Variants in MRPL1 observed in about 807,000 individuals in gnomAD.
MRPL1 encodes mitochondrial ribosomal protein L1.
A neutral mutation model predicts 38.0 loss-of-function variants in MRPL1; 28 were observed. The ratio of observed to expected loss-of-function variants is 0.74; its 90% confidence interval spans 0.55 to 1.01. The LOEUF (loss-of-function observed/expected upper bound fraction) is 1.01, where lower values mean the gene tolerates loss of function less well. Among genes scored for constraint, MRPL1 ranks in the 50% least tolerant of loss-of-function variants. The pLI, the probability that MRPL1 is intolerant of heterozygous loss-of-function variation, is 0.00. For synonymous variants in MRPL1, 123 were observed against 126.7 expected (o/e 0.97, Z 0.20); for missense variants, 358 against 389.8 (o/e 0.92, Z 0.69).
intron 7 of MRPL1, among the ~76,000 whole-genome samples, chr4:77,923,450 A>G (rs1736626718): frequency 1.3e-5 from 2 of 152,156 alleles, no homozygotes; most frequent in Admixed American, 6.5e-5. Flanking sequence ...ATAGTTTTTA[A>G]AACAATCTGT....
chr4:77,887,468 A>G (rs979020692), intron 5 of MRPL1, among the ~76,000 whole-genome samples, 177 bp downstream of exon 5: 13 of 152,306 alleles, frequency 8.5e-5, no homozygotes, highest in Middle Eastern at 3.4e-3. Flanking sequence ...AAGCTAGGAG[A>G]AAACTATCCA....
rs1431854895 is a variant in MRPL1, at chr4:77,911,268, A to G, written c.777+1896A>G. On this transcript the variant is annotated intron_variant, in intron 7 of 8. Coordinates refer to ENST00000315567, the MANE Select transcript of MRPL1 (RefSeq NM_020236.4). ...AGCTGGATTAAATCTGTCTTAAGTAATGTTTTCAGTATATTTAGTAGTTAA... is the reference window on the plus strand; with the variant it reads ...AGCTGGATTAAATCTGTCTTAAGTAGTGTTTTCAGTATATTTAGTAGTTAA... 3.3e-5 allele frequency among the ~76,000 whole-genome samples: 5 copies of G among 152,242 alleles called. No individual in the cohort carries two copies. The East Asian group carries it at 9.7e-4, about 29-fold the overall frequency.
At chr4:77,874,782 C>CCTTTTTTTTTTTT (rs1560459506) in intron 2 of MRPL1, among the ~76,000 whole-genome samples, 1 of 131,108 alleles carries the variant, frequency 7.6e-6, no homozygotes, top group Non-Finnish European at 1.6e-5. Context: ...ATTTTCTTTT[C>CCTTTTTTTTTTTT]TTTTTTTTTT....
intron 7 of MRPL1, among the ~76,000 whole-genome samples, chr4:77,934,327 CATAA>C (rs1304452393): frequency 1.3e-5 from 2 of 152,124 alleles, no homozygotes; most frequent in Admixed American, 6.5e-5. Context: ...ATCTACAGTA[CATAA>C]ATAACTTTTA....
At chr4:77,886,789 C>CTTTTTTTTTTTTTTTTTT in intron 4 of MRPL1, among the ~76,000 whole-genome samples, 1 of 90,516 alleles carries the variant, frequency 1.1e-5, no homozygotes, top group Non-Finnish European at 2.0e-5. Flanking sequence ...TTTGCATTTT[C>CTTTTTTTTTTTTTTTTTT]TTTTTTTTTT....
chr4:77,952,148 T>G (rs1307495290), intron 8 of MRPL1, among the ~76,000 whole-genome samples: 1 of 152,208 alleles, frequency 6.6e-6, no homozygotes, highest in East Asian at 1.9e-4. Flanking sequence ...ACCACCACTA[T>G]GACTCCTGTC....
chr4:77,900,863 G>A (rs1736016492), intron 6 of MRPL1, among the ~76,000 whole-genome samples: 1 of 152,184 alleles, frequency 6.6e-6, no homozygotes, highest in African/African-American at 2.4e-5. Flanking sequence ...GACCAGCGAG[G>A]AGGCGATTAC....
intron 7 of MRPL1, among the ~76,000 whole-genome samples, chr4:77,931,078 T>C (rs1193081968): frequency 6.6e-6 from 1 of 152,226 alleles, no homozygotes; most frequent in Non-Finnish European, 1.5e-5. Flanking sequence ...CCAAGCCCAC[T>C]TTGTATAATA....
At chr4:77,918,995 C>T (rs753449971) in intron 7 of MRPL1, among the ~76,000 whole-genome samples, 36 of 152,190 alleles carry the variant, frequency 2.4e-4, no homozygotes, top group Admixed American at 9.2e-4. Flanking sequence ...GGAGTAATAT[C>T]GCTGGAATTG....
At chr4:77,935,135 G>A (rs1321319449) in intron 7 of MRPL1, among the ~76,000 whole-genome samples, 1 of 152,154 alleles carries the variant, frequency 6.6e-6, no homozygotes, top group Non-Finnish European at 1.5e-5. Flanking sequence ...GTCAGGAGTG[G>A]ATGGTGTTTG....
At chr4:77,937,508 C>T (rs1213528345) in intron 7 of MRPL1, among the ~76,000 whole-genome samples, 2 of 152,170 alleles carry the variant, frequency 1.3e-5, no homozygotes, top group Admixed American at 6.5e-5. Context: ...CTCTACTTCC[C>T]CGCCCATATT....
Position 77,896,361 on chromosome 4 carries a change from C to G in MRPL1, c.670+2111C>G, listed in dbSNP as rs111544974. ...CAAGTACCTAAGTATGTTTTTCCCC[C>G]CTATTTGCGTAGGCACCTTGAGTGA... is the stretch of plus-strand genomic sequence containing the variant. On this transcript the variant is annotated intron_variant, in intron 6 of 8. Coordinates refer to ENST00000315567, the MANE Select transcript of MRPL1 (RefSeq NM_020236.4). 2.4e-3 allele frequency among the ~76,000 whole-genome samples: 362 copies of G among 152,222 alleles called. 1 individual carries two copies. Among genetic ancestry groups the G allele is most frequent in the Non-Finnish European group, 4.5e-3 (308 of 67,994 alleles).
chr4:77,909,448 T>C, intron 7 of MRPL1, 76 bp downstream of exon 7: 1 of 919,790 alleles, frequency 1.1e-6, no homozygotes, highest in Non-Finnish European at 1.7e-6. Flanking sequence ...TATAATATTA[T>C]AAAATGCCAG....
chr4:77,893,918 A>AT (rs1287917782), intron 5 of MRPL1, among the ~76,000 whole-genome samples: 3,534 of 147,974 alleles, frequency 0.024, 123 homozygotes, highest in African/African-American at 0.082. Context: ...GAAACCATTA[A>AT]TTTTTTTTTT....
intron 7 of MRPL1, among the ~76,000 whole-genome samples, chr4:77,927,934 G>A (rs924684): frequency 0.54 from 81,847 of 151,974 alleles, 22,389 homozygotes; most frequent in Admixed American, 0.58. Flanking sequence ...TCATGTCAAG[G>A]CCTGATTTAA....
chr4:77,894,500 C>T (rs924779183), intron 6 of MRPL1, among the ~76,000 whole-genome samples: 2 of 151,862 alleles, frequency 1.3e-5, no homozygotes, highest in African/African-American at 4.8e-5. Flanking sequence ...AGTCTAGCTC[C>T]CAATTAGTGG....
chr4:77,877,872 C>T (rs537795612), intron 2 of MRPL1, among the ~76,000 whole-genome samples: 1 of 151,150 alleles, frequency 6.6e-6, no homozygotes, highest in Non-Finnish European at 1.5e-5. Flanking sequence ...GCGTGTTTAC[C>T]TGTGCCTTTT....
intron 7 of MRPL1, among the ~76,000 whole-genome samples, chr4:77,940,832 T>C (rs1331708251): frequency 6.6e-6 from 1 of 152,248 alleles, no homozygotes; most frequent in Non-Finnish European, 1.5e-5. Context: ...ATTCTGTTTA[T>C]GTGGTGTATC....
intron 7 of MRPL1, among the ~76,000 whole-genome samples, chr4:77,944,698 A>G (rs1436972411): frequency 6.6e-6 from 1 of 152,238 alleles, no homozygotes; most frequent in Non-Finnish European, 1.5e-5. Flanking sequence ...AGGATTCATT[A>G]GGCAGAGAGA....
Sources: allele counts gnomAD v4.1 joint callset (sites outside exome capture counted in the v4.1 genomes callset), GRCh38; gene constraint gnomAD v4.1.1; transcripts MANE v1.5; gene names NCBI Gene and HGNC (gene_info 2026-07-23, HGNC 2026-07-21).